TNFSF4: variants seen among roughly 807,000 people sequenced by gnomAD.
The protein encoded by TNFSF4 is TNF superfamily member 4, also known as tumor necrosis factor ligand superfamily member 4.
A neutral mutation model predicts 7.3 loss-of-function variants in TNFSF4; 4 were observed. The observed-to-expected ratio is 0.55, with a 90% CI of 0.27 to 1.25. TNFSF4 has a LOEUF of 1.25. Ranked by LOEUF, TNFSF4 falls within the 50% of genes most tolerant of loss-of-function variation. The pLI, the probability that TNFSF4 is intolerant of heterozygous loss-of-function variation, is 0.12. For missense variants in TNFSF4, 181 were observed against 208.8 expected (o/e 0.87, Z 0.82); for synonymous variants, 76 against 83.7 (o/e 0.91, Z 0.50).
At chr1:173,410,664 C>T in the TNFSF4 span, among the ~76,000 whole-genome samples, 1 of 152,202 alleles carries the variant, frequency 6.6e-6, no homozygotes, top group Non-Finnish European at 1.5e-5. Flanking sequence ...AGTGAGCCCA[C>T]GTGGTGGAGA....
the TNFSF4 span, among the ~76,000 whole-genome samples, chr1:173,397,870 C>T: frequency 2.6e-5 from 4 of 152,274 alleles, no homozygotes; most frequent in East Asian, 7.7e-4. Flanking sequence ...CCACCGAATC[C>T]CCATTCAACT....
the TNFSF4 span, among the ~76,000 whole-genome samples, chr1:173,213,118 G>A: frequency 6.6e-6 from 1 of 152,156 alleles, no homozygotes; most frequent in East Asian, 1.9e-4. Context: ...AGAGGTGAAA[G>A]ATTAGCAAAC....
the TNFSF4 span, among the ~76,000 whole-genome samples, chr1:173,284,724 A>T: frequency 6.6e-6 from 1 of 152,288 alleles, no homozygotes; most frequent in South Asian, 2.1e-4. Flanking sequence ...ATGGAACAAC[A>T]AAGGCTGAAT....
chr1:173,391,920 G>C, the TNFSF4 span, among the ~76,000 whole-genome samples: 6,504 of 152,274 alleles, frequency 0.043, 494 homozygotes, highest in African/African-American at 0.15. Flanking sequence ...AAGCCAGAAT[G>C]CTCAATCATC....
the TNFSF4 span, among the ~76,000 whole-genome samples, chr1:173,306,201 C>G: frequency 6.6e-6 from 1 of 151,724 alleles, no homozygotes; most frequent in Admixed American, 6.6e-5. Context: ...ATCGAAGACT[C>G]GATGAAATTT....
At chr1:173,265,512 G>T in the TNFSF4 span, among the ~76,000 whole-genome samples, 1 of 152,128 alleles carries the variant, frequency 6.6e-6, no homozygotes, top group Non-Finnish European at 1.5e-5. Flanking sequence ...ACAGCAAATG[G>T]AGAGCCTGCA....
At chr1:173,370,109 T>G in the TNFSF4 span, among the ~76,000 whole-genome samples, 6 of 152,136 alleles carry the variant, frequency 3.9e-5, no homozygotes, top group African/African-American at 1.4e-4. Context: ...CTTCTCCCTC[T>G]CTGATTTAAA....
At chr1:173,218,402 A>G in the TNFSF4 span, among the ~76,000 whole-genome samples, 1 of 152,160 alleles carries the variant, frequency 6.6e-6, no homozygotes. Flanking sequence ...AGAGCTCAGT[A>G]CACCATTTCA....
the TNFSF4 span, among the ~76,000 whole-genome samples, chr1:173,282,257 A>C: frequency 6.6e-6 from 1 of 152,148 alleles, no homozygotes; most frequent in Non-Finnish European, 1.5e-5. Context: ...GATTACCCTG[A>C]TCTGATCATT....
At chr1:173,396,457 C>T in the TNFSF4 span, among the ~76,000 whole-genome samples, 2 of 152,176 alleles carry the variant, frequency 1.3e-5, no homozygotes, top group Admixed American at 1.3e-4. Flanking sequence ...CTGCAGTAGG[C>T]TATGTTCATA....
At chr1:173,315,552 C>T in the TNFSF4 span, among the ~76,000 whole-genome samples, 2 of 151,336 alleles carry the variant, frequency 1.3e-5, no homozygotes, top group African/African-American at 4.9e-5. Context: ...TATGTGGAGG[C>T]AAAAAAAATG....
the TNFSF4 span, among the ~76,000 whole-genome samples, chr1:173,229,344 T>A: frequency 6.6e-6 from 1 of 152,134 alleles, no homozygotes; most frequent in Admixed American, 6.5e-5. Context: ...GCTTCATAAG[T>A]GAAGGAGAAA....
the TNFSF4 span, among the ~76,000 whole-genome samples, chr1:173,266,849 T>A: frequency 1.3e-5 from 2 of 152,208 alleles, no homozygotes; most frequent in Non-Finnish European, 2.9e-5. Context: ...CAGGAACTAC[T>A]TACTGGAAGT....
chr1:173,373,628 A>C, the TNFSF4 span, among the ~76,000 whole-genome samples: 1 of 152,192 alleles, frequency 6.6e-6, no homozygotes, highest in South Asian at 2.1e-4. Context: ...AAGTAATCAA[A>C]GCCTGCGAGG....
chr1:173,409,682 T>C, the TNFSF4 span, among the ~76,000 whole-genome samples: 29 of 152,346 alleles, frequency 1.9e-4, no homozygotes, highest in African/African-American at 6.5e-4. Flanking sequence ...CTTTTAGTGA[T>C]TTTTTCTTAA....
the TNFSF4 span, among the ~76,000 whole-genome samples, chr1:173,266,539 T>C: frequency 1.3e-5 from 2 of 152,174 alleles, no homozygotes; most frequent in Non-Finnish European, 2.9e-5. Flanking sequence ...ATATTGTTCC[T>C]ACAGGAAGCC....
At chr1:173,376,607 T>C in the TNFSF4 span, among the ~76,000 whole-genome samples, 1 of 152,178 alleles carries the variant, frequency 6.6e-6, no homozygotes, top group Non-Finnish European at 1.5e-5. Context: ...ATCAGTGTTC[T>C]ATGTCTAACT....
the TNFSF4 span, among the ~76,000 whole-genome samples, chr1:173,278,699 A>C: frequency 2.2e-4 from 34 of 152,228 alleles, no homozygotes; most frequent in African/African-American, 7.5e-4. Context: ...TTCAAAATTA[A>C]TTAGAGGAAT....
At chr1:173,316,622 T>C in the TNFSF4 span, among the ~76,000 whole-genome samples, 1 of 152,102 alleles carries the variant, frequency 6.6e-6, no homozygotes, top group South Asian at 2.1e-4. Context: ...CCATCTGTGG[T>C]GAAAGGCCAT....
Sources: allele counts gnomAD v4.1 joint callset (sites outside exome capture counted in the v4.1 genomes callset), GRCh38; gene constraint gnomAD v4.1.1; transcripts MANE v1.5; gene names NCBI Gene and HGNC (gene_info 2026-07-23, HGNC 2026-07-21).